Variants in USP24 observed in about 807,000 individuals in gnomAD.
USP24 encodes the protein ubiquitin carboxyl-terminal hydrolase 24.
Under a neutral mutation model 361.6 loss-of-function variants are expected in USP24, and 97 were observed. The ratio of observed to expected loss-of-function variants is 0.27; its 90% CI spans 0.23 to 0.32. The LOEUF (loss-of-function observed/expected upper bound fraction) is 0.32. Ranked by LOEUF, USP24 falls within the 10% of genes least tolerant of loss-of-function variation. The pLI is 1.00. For missense variants in USP24, 2,353 were observed against 3,165.6 expected (o/e 0.74, Z 6.16); for synonymous variants, 1,098 against 1,124.6 (o/e 0.98, Z 0.47).
At chr1:55,079,257 C>T (rs1645093402) in intron 60 of USP24, among the ~76,000 whole-genome samples, 1 of 152,272 alleles carries the variant, frequency 6.6e-6, no homozygotes, top group Non-Finnish European at 1.5e-5. Flanking sequence ...ATGAAACCCT[C>T]TACAATTAAC....
chr1:55,072,634 T>G (rs1474539905), intron 65 of USP24, among the ~76,000 whole-genome samples, 152 bp downstream of exon 65: 2 of 152,228 alleles, frequency 1.3e-5, no homozygotes, highest in Non-Finnish European at 2.9e-5. Flanking sequence ...ACAAATTTAA[T>G]GCACACAAGA....
intron 1 of USP24, among the ~76,000 whole-genome samples, chr1:55,178,608 G>A (rs1362511752): frequency 6.6e-6 from 1 of 151,976 alleles, no homozygotes; most frequent in Non-Finnish European, 1.5e-5. Flanking sequence ...GGCGGAGCTT[G>A]CAGTGAGCAG....
intron 64 of USP24, 199 bp from the exon 65 acceptor site, chr1:55,073,060 G>C (rs530429862): frequency 1.8e-6 from 1 of 569,896 alleles, no homozygotes; most frequent in South Asian, 2.3e-5. Context: ...GGGGAAGGGA[G>C]GAATAGGGAG....
chr1:55,180,566 C>T (rs1021406755), intron 1 of USP24, among the ~76,000 whole-genome samples: 2 of 152,156 alleles, frequency 1.3e-5, no homozygotes, highest in African/African-American at 2.4e-5. Flanking sequence ...TGTCTGAATC[C>T]CATCCCCACA....
chr1:55,152,820 C>G (rs1173331891), intron 16 of USP24, among the ~76,000 whole-genome samples: 1 of 152,094 alleles, frequency 6.6e-6, no homozygotes, highest in African/African-American at 2.4e-5. Flanking sequence ...ATATAAAACA[C>G]AAAGTTCTTC....
chr1:55,202,065 T>C (rs549211713), intron 1 of USP24, among the ~76,000 whole-genome samples: 28 of 152,316 alleles, frequency 1.8e-4, no homozygotes, highest in African/African-American at 6.7e-4. Context: ...CAAGGAGTCA[T>C]AAGAGGATCT....
chr1:55,148,222 G>T (rs181956162), intron 17 of USP24, among the ~76,000 whole-genome samples: 12 of 150,346 alleles, frequency 8.0e-5, no homozygotes, highest in Admixed American at 7.9e-4. Context: ...TTAAAAACTG[G>T]CTTAACTATT....
intron 1 of USP24, among the ~76,000 whole-genome samples, chr1:55,183,125 G>T (rs937353458): frequency 4.6e-5 from 7 of 152,240 alleles, no homozygotes; most frequent in Admixed American, 2.0e-4. Flanking sequence ...ATGGTATCCT[G>T]GACTGGATCT....
At position 55,159,010 on chromosome 1, in the gene USP24, C is replaced by G. The variant is rs1479576705; in HGVS notation, c.1095G>C (p.Leu365Phe). Residue 365 changes from leucine to phenylalanine, a missense_variant, in exon 10 of 68, where the codon TTG (leucine) becomes TTC (phenylalanine). Transcript: ENST00000294383. ...DKRLVSIPEL[L>F]SAVKLLCMRF... The stretch of plus-strand genomic sequence containing the variant: ...GCATGCAAAGTAACTTAACGGCAGA[C>G]AAGAGCTCAGGGATGCTAACCAATC... 1 of 1,570,184 alleles carries G rather than the reference C, an allele frequency of 6.4e-7. No homozygotes were observed.
chr1:55,116,681 CA>C (rs528611494), intron 38 of USP24, among the ~76,000 whole-genome samples: 289 of 128,680 alleles, frequency 2.2e-3, no homozygotes, highest in Non-Finnish European at 2.4e-3. Flanking sequence ...ATTGGTAATC[CA>C]AAAAAAAAAA....
intron 24 of USP24, 98 bp downstream of exon 24, chr1:55,141,518 T>C (rs1646889127): frequency 8.4e-6 from 9 of 1,071,818 alleles, no homozygotes; most frequent in Non-Finnish European, 1.2e-5. Context: ...TGATATAAAA[T>C]GAGGAAATCA....
At chr1:55,099,635 ATACAT>A (rs1345205188) in intron 45 of USP24, 131 bp downstream of exon 45, 1 of 671,380 alleles carries the variant, frequency 1.5e-6, no homozygotes, top group Non-Finnish European at 2.6e-6. Context: ...TAAACACAGA[ATACAT>A]TATAGTTCTT....
intron 1 of USP24, among the ~76,000 whole-genome samples, chr1:55,188,533 A>G (rs1232365432): frequency 2.0e-5 from 3 of 152,174 alleles, no homozygotes; most frequent in Non-Finnish European, 4.4e-5. Flanking sequence ...AAAATGGGCA[A>G]AAGATTTGAA....
intron 32 of USP24, among the ~76,000 whole-genome samples, chr1:55,127,072 TC>T (rs943255522): frequency 5.3e-5 from 8 of 151,850 alleles, no homozygotes; most frequent in African/African-American, 1.7e-4. Flanking sequence ...CAGTTTTTTT[TC>T]TAAATTATTA....
intron 23 of USP24, among the ~76,000 whole-genome samples, chr1:55,142,274 C>T (rs1262887075): frequency 6.6e-6 from 1 of 152,132 alleles, no homozygotes; most frequent in Non-Finnish European, 1.5e-5. Context: ...CATTACACAG[C>T]AGGCTTCTAA....
At chr1:55,098,192 C>A in intron 46 of USP24, 108 bp from the exon 47 acceptor site, 2 of 1,306,144 alleles carry the variant, frequency 1.5e-6, no homozygotes, top group African/African-American at 1.5e-5. Flanking sequence ...ATCTGGGAGT[C>A]CCTCAATATT....
At chr1:55,171,763 C>A in intron 4 of USP24, 85 bp from the exon 5 acceptor site, 1 of 1,391,806 alleles carries the variant, frequency 7.2e-7, no homozygotes, top group South Asian at 1.4e-5. Flanking sequence ...AAAAATATAG[C>A]CTTTGACTCC....
At chr1:55,071,107 C>A in intron 67 of USP24, 1 of 980,128 alleles carries the variant, frequency 1.0e-6, no homozygotes, top group Non-Finnish European at 1.2e-6. Flanking sequence ...TTATGAGGAT[C>A]CGAAAGATAA....
intron 59 of USP24, among the ~76,000 whole-genome samples, chr1:55,080,374 T>C (rs1645125319): frequency 6.6e-6 from 1 of 152,194 alleles, no homozygotes; most frequent in Non-Finnish European, 1.5e-5. Context: ...GGATGCTCTG[T>C]GTTTTTATTT....
Sources: gnomAD v4.1 joint callset for allele counts (sites outside exome capture counted in the v4.1 genomes callset) on GRCh38, gnomAD v4.1.1 for gene constraint, MANE v1.5 for transcripts, NCBI Gene and HGNC (gene_info 2026-07-23, HGNC 2026-07-21) for gene names.